Variants in MORN2 observed in about 807,000 individuals in gnomAD.
MORN2 encodes the protein MORN repeat-containing protein 2.
In MORN2, 15 loss-of-function variants were observed where a neutral mutation model predicts 13.4. That is an observed-to-expected ratio of 1.12 (90% confidence interval 0.75 to 1.72). The LOEUF (loss-of-function observed/expected upper bound fraction) is 1.72, where lower values mean the gene tolerates loss of function less well. Ranked by LOEUF, MORN2 falls within the 40% of genes most tolerant of loss-of-function variation. MORN2 has a pLI of 0.00. For synonymous variants in MORN2, 46 were observed against 43.6 expected (o/e 1.06, Z -0.22); for missense variants, 168 against 134.6 (o/e 1.25, Z -1.23).
chr2:38,881,516 T>C lies in MORN2; in HGVS notation c.291T>C (p.His97=). The C allele has an allele frequency of 1.3e-6, 2 of 1,544,822 alleles. No homozygotes were observed. The highest frequency in any genetic ancestry group is 2.5e-5 in the East Asian group (1 of 40,400). Reference sequence around the variant, plus strand: ...GACAATTTAAGGATAATATGTTTCATGGACTGGGGACTTACACATTCCCAA... The same window carrying C: ...GACAATTTAAGGATAATATGTTTCACGGACTGGGGACTTACACATTCCCAA... The change falls in exon 4 of 5, where the codon CAT becomes CAC. Residue 97 remains histidine, a synonymous_variant. Transcript: ENST00000644631.
intron 3 of MORN2, 83 bp from the exon 4 acceptor site, chr2:38,881,359 A>G: frequency 8.0e-7 from 1 of 1,255,386 alleles, no homozygotes; most frequent in Non-Finnish European, 1.1e-6. Context: ...TTAGCAGATG[A>G]TAGACTTATA....
intron 1 of MORN2, among the ~76,000 whole-genome samples, chr2:38,877,365 C>G (rs906726477): frequency 2.6e-5 from 4 of 152,014 alleles, no homozygotes; most frequent in African/African-American, 9.7e-5. Flanking sequence ...CTTGGAATTT[C>G]ACATCTTGCA....
intron 1 of MORN2, 133 bp downstream of exon 1, chr2:38,876,243 G>T (rs961099580): frequency 7.6e-6 from 3 of 396,536 alleles, no homozygotes; most frequent in South Asian, 2.7e-4. Flanking sequence ...TCTAGCCGAG[G>T]GGCACGGGGG....
At chr2:38,880,814 A>G in intron 3 of MORN2, 108 bp downstream of exon 3, 1 of 1,160,514 alleles carries the variant, frequency 8.6e-7, no homozygotes, top group East Asian at 2.8e-5. Context: ...TAGACTATAT[A>G]ATAAAAATAA....
chr2:38,878,055 C>T (rs1035172525), intron 1 of MORN2, among the ~76,000 whole-genome samples: 3 of 152,160 alleles, frequency 2.0e-5, no homozygotes, highest in Admixed American at 2.0e-4. Flanking sequence ...CTCAGCCTCC[C>T]GAAGTGCTGG....
chr2:38,879,483 G>A (rs933587307), intron 1 of MORN2, among the ~76,000 whole-genome samples: 2 of 152,080 alleles, frequency 1.3e-5, no homozygotes, highest in African/African-American at 4.8e-5. Flanking sequence ...ACTGATACAC[G>A]ATGCAACATG....
In MORN2 at chr2:38,880,685, A is replaced by G. The variant is rs1271966780; in HGVS notation, c.195A>G (p.Thr65=). Residue 65 remains threonine (T), a synonymous_variant, in exon 3 of 5, where the codon ACA becomes ACG. Transcript: ENST00000644631. ...CCACTCCTAATGGGATTGTCTACACAGGAAGCTGGAAAGATGACAAGGTAT... is the reference window on the plus strand; with the variant it reads ...CCACTCCTAATGGGATTGTCTACACGGGAAGCTGGAAAGATGACAAGGTAT... 4.5e-6 allele frequency: 7 copies of G among 1,550,168 alleles called. No homozygotes were observed. In the East Asian group the frequency reaches 1.5e-4, roughly 33 times the overall value.
At chr2:38,877,270 A>G (rs1665660386) in intron 1 of MORN2, among the ~76,000 whole-genome samples, 1 of 151,802 alleles carries the variant, frequency 6.6e-6, no homozygotes, top group African/African-American at 2.4e-5. Flanking sequence ...CGTCTCAAAA[A>G]TAAATAAATA....
At chr2:38,877,853 CAGGG>C (rs928089202) in intron 1 of MORN2, among the ~76,000 whole-genome samples, 6 of 151,808 alleles carry the variant, frequency 4.0e-5, no homozygotes, top group African/African-American at 1.5e-4. Flanking sequence ...GGCTGGAGGG[CAGGG>C]TGTGATCGGA....
chr2:38,878,444 T>C (rs569724736), intron 1 of MORN2, among the ~76,000 whole-genome samples: 40 of 152,200 alleles, frequency 2.6e-4, no homozygotes, highest in Non-Finnish European at 4.7e-4. Flanking sequence ...TCTTTCCCTC[T>C]GGAATTCTTA....
chr2:38,881,564 T>G lies in MORN2; in HGVS notation c.339T>G (p.Asn113Lys), dbSNP rs1019899182. ...CAAATGGGGCAAAGTATACTGGAAA[T>G]TTCAATGAAAATAGGTAAGCTTAAA... The change falls in exon 4 of 5, where the codon AAT becomes AAG. Residue 113 changes from asparagine to lysine, a missense_variant. Asn to Lys is a moderately conservative substitution (Grantham distance 94, BLOSUM62 0). Transcript: ENST00000644631. The G allele has an allele frequency of 4.6e-6, 7 of 1,515,534 alleles. No homozygotes were observed. In the African/African-American group the frequency reaches 9.9e-5, roughly 21 times the overall value. The allele number at this position is 1,515,534 out of a possible 1,614,324, so 93.9% of individuals were successfully genotyped here. A position where few individuals can be genotyped will look rare whatever the true frequency, so the allele number is the denominator to read the frequency against.
chr2:38,881,696 G>A, intron 4 of MORN2, 118 bp downstream of exon 4: 1 of 826,840 alleles, frequency 1.2e-6, no homozygotes, highest in Non-Finnish European at 1.7e-6. Context: ...TGTCATCCAG[G>A]CAGGAGTGCA....
At chr2:38,879,180 A>G (rs1039867377) in intron 1 of MORN2, among the ~76,000 whole-genome samples, 7 of 152,150 alleles carry the variant, frequency 4.6e-5, no homozygotes, top group Middle Eastern at 6.8e-3. Flanking sequence ...CCTATTGCCA[A>G]TTTAAAGATT....
At chr2:38,876,354 T>G in intron 1 of MORN2, 1 of 386,628 alleles carries the variant, frequency 2.6e-6, no homozygotes, top group Non-Finnish European at 4.6e-6. Flanking sequence ...TCCGCTATGG[T>G]GCCGGGTGGT....
intron 1 of MORN2, among the ~76,000 whole-genome samples, chr2:38,876,902 C>T (rs956849728): frequency 2.6e-5 from 4 of 152,118 alleles, no homozygotes; most frequent in Admixed American, 1.3e-4. Flanking sequence ...ATTATTTGTC[C>T]AAGGTCAGAG....
At chr2:38,879,778 T>C (rs1451781685) in intron 1 of MORN2, among the ~76,000 whole-genome samples, 4 of 152,214 alleles carry the variant, frequency 2.6e-5, no homozygotes, top group Non-Finnish European at 2.9e-5. Flanking sequence ...CAAATTGTAT[T>C]TTTTTAAAGG....
chr2:38,876,415 C>T (rs142160855), intron 1 of MORN2, among the ~76,000 whole-genome samples: 242 of 152,326 alleles, frequency 1.6e-3, no homozygotes, highest in Middle Eastern at 0.01. Context: ...GAATGTAGAA[C>T]ATTTTAGCGG....
chr2:38,877,027 GAA>G (rs1665648222), intron 1 of MORN2, among the ~76,000 whole-genome samples: 1 of 152,208 alleles, frequency 6.6e-6, no homozygotes, highest in African/African-American at 2.4e-5. Context: ...ACCAGGTAAA[GAA>G]GAGAAGGGTG....
chr2:38,877,984 A>G (rs1665694818), intron 1 of MORN2, among the ~76,000 whole-genome samples: 1 of 137,676 alleles, frequency 7.3e-6, no homozygotes, highest in African/African-American at 2.7e-5. Context: ...TTTGTGGAGA[A>G]TGGGTTTCAC....
Sources: allele counts gnomAD v4.1 joint callset (sites outside exome capture counted in the v4.1 genomes callset), GRCh38; gene constraint gnomAD v4.1.1; transcripts MANE v1.5; gene names NCBI Gene and HGNC (gene_info 2026-07-23, HGNC 2026-07-21).